Variants in SIM1 observed in about 807,000 individuals in gnomAD.
The protein encoded by SIM1 is single-minded homolog 1.
Under a neutral mutation model 78.2 loss-of-function variants are expected in SIM1, and 18 were observed. The ratio of observed to expected loss-of-function variants is 0.23; its 90% CI spans 0.16 to 0.34. The LOEUF (loss-of-function observed/expected upper bound fraction) is 0.34, where lower values mean the gene tolerates loss of function less well. SIM1 is among the 10% of genes least tolerant of loss of function. The pLI, the probability that SIM1 is intolerant of heterozygous loss-of-function variation, is 1.00. For missense variants in SIM1, 939 were observed against 975.1 expected, an observed-to-expected ratio of 0.96 and a Z score of 0.49; for synonymous variants, 417 against 385.2, an observed-to-expected ratio of 1.08 and a Z score of -0.97.
rs1386486160 is a variant in SIM1 at position 100,387,718 on chromosome 6, G to T, written c.*2643C>A. ...ATTCTGTATTCTCTTAAAAATATTG[G>T]TCATGTCATTTTAAAGAGCATTATT... On this transcript the variant is annotated 3_prime_UTR_variant, in exon 12 of 12. Coordinates refer to ENST00000369208, the MANE Select transcript of SIM1 (RefSeq NM_005068.3). 6.6e-6 allele frequency: 1 copy of T among 151,902 alleles called. No homozygotes were observed. The highest frequency in any genetic ancestry group is 1.9e-4 in the East Asian group (1 of 5,192). 9.4% of individuals were successfully genotyped at this position (151,902 alleles called of 1,614,324 possible).
intron 10 of SIM1, among the ~76,000 whole-genome samples, chr6:100,409,508 T>G (rs1315723853): frequency 6.6e-6 from 1 of 152,138 alleles, no homozygotes; most frequent in African/African-American, 2.4e-5. Context: ...CTGTTTATCT[T>G]TTCTATTGTT....
At position 100,464,850 on chromosome 6, in the gene SIM1, TG is replaced by T. The variant is rs1217928383; in HGVS notation, c.-705del. On this transcript the variant is annotated 5_prime_UTR_variant, in exon 1 of 12. Coordinates refer to ENST00000369208, the MANE Select transcript of SIM1 (RefSeq NM_005068.3). ...TTTTAGAATCCTGGTCCTCCGTAGT[TG>T]CTACGAAGCCAGTTCACTATTATTC... 2.0e-5 allele frequency: 3 copies of T among 152,260 alleles called. No individual in the cohort carries two copies. Among genetic ancestry groups the T allele is most frequent in the African/African-American group, 7.2e-5 (3 of 41,456 alleles). The allele number at this position is 152,260 out of a possible 1,614,324, so 9.4% of individuals were successfully genotyped here. A position where few individuals can be genotyped will look rare whatever the true frequency, so the allele number is the denominator to read the frequency against.
intron 2 of SIM1, 133 bp downstream of exon 2, chr6:100,463,161 C>T: frequency 2.6e-6 from 2 of 755,672 alleles, no homozygotes; most frequent in Non-Finnish European, 4.1e-6. Flanking sequence ...GTGAAGCAGC[C>T]GAGCTAAACT....
chr6:100,411,881 A>C (rs755795836), intron 10 of SIM1, among the ~76,000 whole-genome samples: 1 of 152,196 alleles, frequency 6.6e-6, no homozygotes, highest in Non-Finnish European at 1.5e-5. Flanking sequence ...CAATGCATGC[A>C]GAAATAAATG....
intron 9 of SIM1, among the ~76,000 whole-genome samples, chr6:100,421,491 C>T (rs1771584497): frequency 6.6e-6 from 1 of 152,136 alleles, no homozygotes; most frequent in South Asian, 2.1e-4. Flanking sequence ...TCCATTCCTT[C>T]GTTTATTCAA....
intron 10 of SIM1, among the ~76,000 whole-genome samples, chr6:100,397,339 C>G (rs1455237898): frequency 6.6e-6 from 1 of 152,140 alleles, no homozygotes; most frequent in Non-Finnish European, 1.5e-5. Flanking sequence ...TCACACATGA[C>G]CCATACTATC....
chr6:100,396,874 C>T (rs1039883824), intron 10 of SIM1, among the ~76,000 whole-genome samples: 4 of 152,082 alleles, frequency 2.6e-5, no homozygotes, highest in South Asian at 2.1e-4. Context: ...GTAGTGTGTG[C>T]GGTGCAATGA....
chr6:100,434,504 G>A (rs1014946309), intron 9 of SIM1, among the ~76,000 whole-genome samples: 6 of 152,222 alleles, frequency 3.9e-5, no homozygotes, highest in African/African-American at 1.2e-4. Context: ...AACAAGTGAA[G>A]CTCCTGGTTC....
At chr6:100,436,148 TAGGCCCTCTTCC>T (rs1392697236) in intron 9 of SIM1, among the ~76,000 whole-genome samples, 1 of 152,196 alleles carries the variant, frequency 6.6e-6, no homozygotes, top group African/African-American at 2.4e-5. Context: ...CAAGGTGCTT[TAGGCCCTCTTCC>T]TTCTAATTGT....
rs1053624021 is a variant in SIM1 at position 100,387,992 on chromosome 6, T to A, written c.*2369A>T. 11 of 152,138 alleles carry A rather than the reference T, an allele frequency of 7.2e-5. No homozygotes were observed. The highest frequency in any genetic ancestry group is 2.7e-4 in the African/African-American group (11 of 41,460). The allele number at this position is 152,138 out of a possible 1,614,324, so 9.4% of individuals were successfully genotyped here. A position where few individuals can be genotyped will look rare whatever the true frequency, so the allele number is the denominator to read the frequency against. On this transcript the variant is annotated 3_prime_UTR_variant, in exon 12 of 12. Transcript: ENST00000369208. ...CAAAATACACCATATTCATCAAATATTTTTTCTTCCAAACATCTATCAATC... is the reference window on the plus strand; with the variant it reads ...CAAAATACACCATATTCATCAAATAATTTTTCTTCCAAACATCTATCAATC...
chr6:100,412,950 A>G (rs895117981), intron 10 of SIM1, among the ~76,000 whole-genome samples: 1 of 152,098 alleles, frequency 6.6e-6, no homozygotes, highest in Non-Finnish European at 1.5e-5. Flanking sequence ...GATAAACCCA[A>G]TCCTGCTGAT....
chr6:100,391,137 C>CTT lies in SIM1; in HGVS notation c.1571-47_1571-46insAA, dbSNP rs780639686. ...AAAGTAAGTGATCTCAGAATTCACC[C>CTT]TCAAAATAAGTATATTTCCTTTACC... is the stretch of plus-strand genomic sequence containing the variant. On this transcript the variant is annotated intron_variant, in intron 11 of 11. Transcript: ENST00000369208. 34 of 1,523,680 alleles carry CTT rather than the reference C, an allele frequency of 2.2e-5. No individual in the cohort carries two copies. The Admixed American group carries it at 7.6e-4, about 34-fold the overall frequency. The allele number at this position is 1,523,680 out of a possible 1,614,324, so 94.4% of individuals were successfully genotyped here.
chr6:100,391,086 C>T lies in SIM1; in HGVS notation c.1576G>A (p.Gly526Ser), dbSNP rs768455252. ...IASVHRIHGR[G>S]HWDEDSVVSS... ...ACCACACTATCTTCATCCCAATGAC[C>T]TCGCCCTAAAAATTAGAAAAAGTCA... The change falls in exon 12 of 12, where the codon GGT (glycine) becomes AGT (serine). Residue 526 changes from glycine to serine, a missense_variant. Coordinates refer to ENST00000369208, the MANE Select transcript of SIM1 (RefSeq NM_005068.3). The T allele has an allele frequency of 7.0e-6, 11 of 1,570,554 alleles. No homozygotes were observed. In the South Asian group the frequency reaches 1.2e-4, roughly 17 times the overall value.
rs779743087 is a variant in SIM1 at position 100,431,141 on chromosome 6, G to A, written c.999-10183C>T. Among the ~76,000 whole-genome samples, 4 of 152,140 alleles carry A rather than the reference G, an allele frequency of 2.6e-5. No homozygotes were observed. The East Asian group carries it at 5.8e-4, about 22-fold the overall frequency. ...TCTGAACTCCCCAGGAAATGACACC[G>A]CAAAAAATGATGGCATGATGCAATG... is the stretch of plus-strand genomic sequence containing the variant. On this transcript the variant is annotated intron_variant, in intron 9 of 11. Coordinates refer to ENST00000369208, the MANE Select transcript of SIM1 (RefSeq NM_005068.3).
In SIM1 at chr6:100,390,350, TC is replaced by T. The variant is rs1554218879; in HGVS notation, c.*10del. On this transcript the variant is annotated 3_prime_UTR_variant, in exon 12 of 12. Transcript: ENST00000369208. ...AGAGATCCTTAAAGAACAAAATATT[TC>T]AGCAAAACATCAGCTTCCGTTGGTT... is the stretch of plus-strand genomic sequence containing the variant. 1 of 1,604,998 alleles carries T rather than the reference TC, an allele frequency of 6.2e-7. No homozygotes were observed. Among genetic ancestry groups the T allele is most frequent in the Non-Finnish European group, 8.5e-7 (1 of 1,175,656 alleles).
At chr6:100,444,170 A>C (rs1772292615) in intron 9 of SIM1, among the ~76,000 whole-genome samples, 1 of 152,112 alleles carries the variant, frequency 6.6e-6, no homozygotes, top group African/African-American at 2.4e-5. Context: ...ATAATTAATA[A>C]TACTAATTAA....
chr6:100,418,825 G>T (rs1296288579), intron 10 of SIM1, among the ~76,000 whole-genome samples: 2 of 152,070 alleles, frequency 1.3e-5, no homozygotes, highest in Non-Finnish European at 2.9e-5. Flanking sequence ...CTCTTGCCAA[G>T]GTACAAGATA....
rs59213055 is a variant in SIM1, at chr6:100,413,274, T to C, written c.1167+7516A>G. ...TCTCCATCTACCCCCATCACCTTGG[T>C]GGGAATCATCCATCCATTCACTCAT... On this transcript the variant is annotated intron_variant, in intron 10 of 11. Coordinates refer to ENST00000369208, the MANE Select transcript of SIM1 (RefSeq NM_005068.3). Among the ~76,000 whole-genome samples the C allele has an allele frequency of 9.8e-3, 1,498 of 152,288 alleles. 25 individuals are homozygous for C. Among genetic ancestry groups the C allele is most frequent in the African/African-American group, 0.034 (1,425 of 41,558 alleles).
At chr6:100,398,366 C>G (rs1009651494) in intron 10 of SIM1, among the ~76,000 whole-genome samples, 4 of 152,042 alleles carry the variant, frequency 2.6e-5, no homozygotes, top group African/African-American at 9.7e-5. Context: ...CCATCACTAC[C>G]ATTCATTTCC....
Sources: gnomAD v4.1 joint callset for allele counts (sites outside exome capture counted in the v4.1 genomes callset) on GRCh38, gnomAD v4.1.1 for gene constraint, MANE v1.5 for transcripts, NCBI Gene and HGNC (gene_info 2026-07-23, HGNC 2026-07-21) for gene names.